Variants in ASTN1 observed in about 807,000 individuals in gnomAD.
ASTN1 encodes the protein astrotactin 1, also known as astrotactin-1.
ASTN1 carries 41 observed loss-of-function variants against 140.7 expected under a neutral mutation model. The ratio of observed to expected loss-of-function variants is 0.29; its 90% CI spans 0.23 to 0.38. The LOEUF is 0.38. Ranked by LOEUF, ASTN1 falls within the 10% of genes least tolerant of loss-of-function variation. The pLI, the probability that ASTN1 is intolerant of heterozygous loss-of-function variation, is 1.00. For synonymous variants in ASTN1, 640 were observed against 652.2 expected, an observed-to-expected ratio of 0.98 and a Z score of 0.29; for missense variants, 1,479 against 1,678.8, an observed-to-expected ratio of 0.88 and a Z score of 2.08.
rs557380582 is a variant in ASTN1, at chr1:177,128,124, C to A, written c.283+36270G>T. 3.2e-3 allele frequency among the ~76,000 whole-genome samples: 493 copies of A among 152,236 alleles called. 2 individuals are homozygous for A. The highest frequency in any genetic ancestry group is 2.5e-3 in the Non-Finnish European group (168 of 68,016). On this transcript the variant is annotated intron_variant, in intron 1 of 22. Transcript: ENST00000361833. ...ATTTAAAGGTTATTCACATAATTTT[C>A]TGTCTTTAGATGAATTAGGGAAAAC... is the stretch of plus-strand genomic sequence containing the variant.
chr1:177,125,337 T>C (rs1365671994), intron 1 of ASTN1, among the ~76,000 whole-genome samples: 1 of 152,208 alleles, frequency 6.6e-6, no homozygotes, highest in African/African-American at 2.4e-5. Context: ...TAATGTATAT[T>C]ATATTTGTGT....
At chr1:176,875,436 G>C (rs748824716) in intron 21 of ASTN1, among the ~76,000 whole-genome samples, 1 of 152,164 alleles carries the variant, frequency 6.6e-6, no homozygotes, top group African/African-American at 2.4e-5. Flanking sequence ...ATATGATCAG[G>C]TGTCTGTGTT....
intron 1 of ASTN1, among the ~76,000 whole-genome samples, chr1:177,151,474 T>G (rs1334813632): frequency 2.6e-5 from 4 of 151,570 alleles, no homozygotes; most frequent in African/African-American, 9.7e-5. Context: ...CCTGAATGAC[T>G]GCCCTTCCCC....
intron 2 of ASTN1, among the ~76,000 whole-genome samples, chr1:177,044,285 T>A (rs1404877073): frequency 6.8e-6 from 1 of 147,534 alleles, no homozygotes; most frequent in Non-Finnish European, 1.5e-5. Flanking sequence ...GTCAGCCTTG[T>A]TTTTCTGTTT....
intron 1 of ASTN1, among the ~76,000 whole-genome samples, chr1:177,108,003 A>C (rs892720776): frequency 3.9e-5 from 6 of 152,124 alleles, no homozygotes; most frequent in African/African-American, 1.4e-4. Context: ...AATGCTATGA[A>C]AAATATATTC....
chr1:176,936,282 T>A lies in ASTN1; in HGVS notation c.2466A>T (p.Gln822His), dbSNP rs1348174440. The A allele has an allele frequency of 6.2e-7, 1 of 1,613,904 alleles. No individual in the cohort carries two copies. The highest frequency in any genetic ancestry group is 8.5e-7 in the Non-Finnish European group (1 of 1,179,928). The change falls in exon 15 of 23, where the codon CAA becomes CAT. Residue 822 changes from glutamine to histidine, a missense_variant. Transcript: ENST00000361833. ...AGTGCTCACCCTGAGAGATGGCCAC[T>A]TGGTTGAGTTTGATGTGGTACATCA... ...RSVMYHIKLN[Q>H]VAISQALSNA...
At chr1:177,034,534 A>G (rs920001618) in intron 2 of ASTN1, among the ~76,000 whole-genome samples, 2 of 152,098 alleles carry the variant, frequency 1.3e-5, no homozygotes, top group Non-Finnish European at 2.9e-5. Flanking sequence ...GTCCTTGCTA[A>G]CTGCCACCTC....
intron 16 of ASTN1, among the ~76,000 whole-genome samples, chr1:176,931,814 G>C (rs1301623967): frequency 1.3e-5 from 2 of 152,214 alleles, no homozygotes; most frequent in African/African-American, 4.8e-5. Flanking sequence ...CATGTGCTTG[G>C]CTCTGTGGCT....
intron 5 of ASTN1, among the ~76,000 whole-genome samples, chr1:177,026,737 A>G (rs994390050): frequency 1.3e-5 from 2 of 152,132 alleles, no homozygotes; most frequent in Admixed American, 1.3e-4. Flanking sequence ...TGTAGTTTTG[A>G]TTTGCGTTTC....
At chr1:176,893,525 T>C (rs1182677328) in intron 17 of ASTN1, among the ~76,000 whole-genome samples, 1 of 152,212 alleles carries the variant, frequency 6.6e-6, no homozygotes, top group African/African-American at 2.4e-5. Flanking sequence ...CGGTGAAATA[T>C]CTGTGGCTGA....
chr1:176,891,311 GC>G (rs1273075746), intron 17 of ASTN1, among the ~76,000 whole-genome samples: 3 of 152,328 alleles, frequency 2.0e-5, no homozygotes, highest in Admixed American at 1.3e-4. Context: ...TGAACTTCAA[GC>G]TAAATTCATC....
intron 8 of ASTN1, among the ~76,000 whole-genome samples, chr1:177,006,088 A>C (rs1674980269): frequency 6.6e-6 from 1 of 152,214 alleles, no homozygotes; most frequent in Admixed American, 6.5e-5. Context: ...CCTGAATGCT[A>C]GGCCCTGGGC....
At chr1:176,977,105 A>G (rs1673400327) in intron 8 of ASTN1, among the ~76,000 whole-genome samples, 1 of 152,214 alleles carries the variant, frequency 6.6e-6, no homozygotes, top group Non-Finnish European at 1.5e-5. Flanking sequence ...ATAGCTTCCT[A>G]CATTTCTGTG....
intron 16 of ASTN1, among the ~76,000 whole-genome samples, chr1:176,909,068 C>T (rs1461525308): frequency 6.6e-6 from 1 of 152,144 alleles, no homozygotes; most frequent in Non-Finnish European, 1.5e-5. Flanking sequence ...AAGTCTCCAC[C>T]ACTTGCCCCC....
At chr1:176,865,128 A>C (rs1287456589) in intron 22 of ASTN1, among the ~76,000 whole-genome samples, 2 of 152,148 alleles carry the variant, frequency 1.3e-5, no homozygotes, top group Non-Finnish European at 2.9e-5. Context: ...AGGTGAGCTC[A>C]TGCTCCATTT....
At position 177,061,771 on chromosome 1, in the gene ASTN1, T is replaced by A. The variant is rs187288698; in HGVS notation, c.284-506A>T. Among the ~76,000 whole-genome samples, 49 of 152,330 alleles carry A rather than the reference T, an allele frequency of 3.2e-4. 1 individual carries two copies. Among genetic ancestry groups the A allele is most frequent in the Middle Eastern group, 3.4e-3 (1 of 294 alleles). ...GTTACTGCAGAGCAACTGGGGCTGG[T>A]AGGTTATTTCTAAAACCACAATCAC... On this transcript the variant is annotated intron_variant, in intron 1 of 22. Coordinates refer to ENST00000361833, the MANE Select transcript of ASTN1 (RefSeq NM_004319.3).
At chr1:177,060,115 A>G (rs1678012834) in intron 2 of ASTN1, among the ~76,000 whole-genome samples, 1 of 152,248 alleles carries the variant, frequency 6.6e-6, no homozygotes, top group African/African-American at 2.4e-5. Context: ...GGGACACATC[A>G]GTAAAAAAAA....
chr1:177,087,802 T>G (rs544608402), intron 1 of ASTN1, among the ~76,000 whole-genome samples: 24 of 152,298 alleles, frequency 1.6e-4, no homozygotes, highest in African/African-American at 5.1e-4. Flanking sequence ...CTCTGGTAAT[T>G]ACATTTTGCC....
intron 16 of ASTN1, among the ~76,000 whole-genome samples, chr1:176,914,847 G>T (rs1051860888): frequency 1.3e-5 from 2 of 152,146 alleles, no homozygotes; most frequent in African/African-American, 2.4e-5. Context: ...AAAGGATTTG[G>T]TGCCAGATAT....
Sources: allele counts gnomAD v4.1 joint callset (sites outside exome capture counted in the v4.1 genomes callset), GRCh38; gene constraint gnomAD v4.1.1; transcripts MANE v1.5; gene names NCBI Gene and HGNC (gene_info 2026-07-23, HGNC 2026-07-21).